Variants in RCL1 observed in about 807,000 individuals in gnomAD.
RCL1 encodes the protein RNA 3'-terminal phosphate cyclase-like protein.
Under a neutral mutation model 42.4 loss-of-function variants are expected in RCL1, and 24 were observed. The ratio of observed to expected loss-of-function variants is 0.57; its 90% CI spans 0.41 to 0.80. The LOEUF (loss-of-function observed/expected upper bound fraction) is 0.80, where lower values mean the gene tolerates loss of function less well. Ranked by LOEUF, RCL1 falls within the 30% of genes least tolerant of loss-of-function variation. The pLI is 0.00. For synonymous variants in RCL1, 228 were observed against 177.3 expected (o/e 1.29, Z -2.27); for missense variants, 578 against 467.9 (o/e 1.24, Z -2.17).
chr9:4,793,732 C>T (rs1002488251), intron 1 of RCL1, among the ~76,000 whole-genome samples: 1 of 152,194 alleles, frequency 6.6e-6, no homozygotes, highest in Non-Finnish European at 1.5e-5. Flanking sequence ...GATTTCTCGG[C>T]TGCCCTCACA....
chr9:4,803,856 G>A (rs967017582), intron 1 of RCL1: 3 of 158,868 alleles, frequency 1.9e-5, no homozygotes, highest in Non-Finnish European at 2.8e-5. Flanking sequence ...TTCTGGCATT[G>A]GAACGGGCTG....
chr9:4,827,753 T>TGTGTGTGTGTGTGC (rs1816811376), intron 3 of RCL1, among the ~76,000 whole-genome samples: 1 of 92,200 alleles, frequency 1.1e-5, no homozygotes, highest in Non-Finnish European at 2.4e-5. Context: ...TGTGTGTGTG[T>TGTGTGTGTGTGTGC]GTGCACGCGT....
chr9:4,858,135 C>T (rs903707752), intron 8 of RCL1, among the ~76,000 whole-genome samples: 1 of 152,042 alleles, frequency 6.6e-6, no homozygotes, highest in Non-Finnish European at 1.5e-5. Context: ...CTTGGCCTCC[C>T]AAACTGTTGG....
At chr9:4,828,681 A>G (rs184169398) in intron 3 of RCL1, among the ~76,000 whole-genome samples, 1 of 152,268 alleles carries the variant, frequency 6.6e-6, no homozygotes, top group Admixed American at 6.5e-5. Context: ...CCTGAAGTGT[A>G]CAGCAGTGTG....
At chr9:4,821,603 G>C (rs1245875951) in intron 1 of RCL1, among the ~76,000 whole-genome samples, 1 of 152,204 alleles carries the variant, frequency 6.6e-6, no homozygotes, top group Admixed American at 6.5e-5. Flanking sequence ...AAGTGGAAGA[G>C]CAAGAGAGGG....
intron 6 of RCL1, among the ~76,000 whole-genome samples, chr9:4,842,027 A>G (rs1050170612): frequency 3.9e-5 from 6 of 152,250 alleles, no homozygotes; most frequent in African/African-American, 1.4e-4. Context: ...AGAAAAGATC[A>G]AAGAATAGTA....
chr9:4,860,755 C>G lies in RCL1; in HGVS notation c.*480C>G, dbSNP rs965574543. The G allele has an allele frequency of 1.3e-5, 2 of 153,790 alleles. No individual in the cohort carries two copies. The highest frequency in any genetic ancestry group is 4.8e-5 in the African/African-American group (2 of 41,464). 9.5% of individuals were successfully genotyped at this position (153,790 alleles called of 1,614,324 possible). A position where few individuals can be genotyped will look rare whatever the true frequency, so the allele number is the denominator to read the frequency against. Reference sequence around the variant, plus strand: ...TATGAGTGGCAGCTCTTCATGAGTCCTGCAGTGCTAAGCAAATGTCAGAAA... The same window carrying G: ...TATGAGTGGCAGCTCTTCATGAGTCGTGCAGTGCTAAGCAAATGTCAGAAA... On this transcript the variant is annotated 3_prime_UTR_variant, in exon 9 of 9. Coordinates refer to ENST00000381750, the MANE Select transcript of RCL1 (RefSeq NM_005772.5).
chr9:4,860,152 C>T lies in RCL1; in HGVS notation c.999C>T (p.Ser333=), dbSNP rs1371716524. 1.2e-6 allele frequency: 2 copies of T among 1,600,272 alleles called. No homozygotes were observed. Among genetic ancestry groups the T allele is most frequent in the Admixed American group, 1.7e-5 (1 of 58,246 alleles). Residue 333 remains serine, a synonymous_variant, in exon 9 of 9, where the codon AGC becomes AGT. Transcript: ENST00000381750. ...TAGAATTTTTGCGGCATTTGAAGAGCTTTTTCCAGATTATGTTTAAAATTG... is the reference window on the plus strand; with the variant it reads ...TAGAATTTTTGCGGCATTTGAAGAGTTTTTTCCAGATTATGTTTAAAATTG... The part of the protein sequence containing the change: ...YTIEFLRHLK[S]FFQIMFKIET...
intron 5 of RCL1, chr9:4,836,618 G>C (rs1334673164): frequency 2.0e-5 from 3 of 152,106 alleles, no homozygotes. Flanking sequence ...GTGACAAGGA[G>C]GGCAGACCAG....
In RCL1 at chr9:4,801,052, G is replaced by A. The variant is rs149851741; in HGVS notation, c.136+7825G>A. Among the ~76,000 whole-genome samples the A allele has an allele frequency of 3.4e-3, 522 of 152,262 alleles. 10 individuals carry two copies. Among genetic ancestry groups the A allele is most frequent in the Admixed American group, 0.025 (386 of 15,296 alleles). On this transcript the variant is annotated intron_variant, in intron 1 of 8. Coordinates refer to ENST00000381750, the MANE Select transcript of RCL1 (RefSeq NM_005772.5). ...TGTTGTCACTACTTTTATTCTGATA[G>A]GTATGTAGTGATGCCCCAGGGTGGT...
In RCL1 at chr9:4,844,655, C is replaced by T. The variant is rs751544647; in HGVS notation, c.841C>T (p.Arg281Trp). The change falls in exon 7 of 9, where the codon CGG (arginine) becomes TGG (tryptophan). Residue 281 changes from arginine to tryptophan, a missense_variant. Arg to Trp is a moderately radical substitution (Grantham distance 101, BLOSUM62 -3). Coordinates refer to ENST00000381750, the MANE Select transcript of RCL1 (RefSeq NM_005772.5). Reference protein sequence around the residue: ...LPEDLGRNCARLLLEEIYRGG... With the variant: ...LPEDLGRNCAWLLLEEIYRGG... ...AGAGGACCTTGGCAGGAACTGTGCCCGGCTGCTGCTGGAGGAAATCTACAG... is the reference window on the plus strand; with the variant it reads ...AGAGGACCTTGGCAGGAACTGTGCCTGGCTGCTGCTGGAGGAAATCTACAG... The T allele has an allele frequency of 2.3e-5, 37 of 1,613,400 alleles. No individual in the cohort carries two copies. The highest frequency in any genetic ancestry group is 1.7e-4 in the Middle Eastern group (1 of 5,888).
At chr9:4,838,920 C>G (rs1448944894) in intron 5 of RCL1, among the ~76,000 whole-genome samples, 1 of 152,192 alleles carries the variant, frequency 6.6e-6, no homozygotes, top group Non-Finnish European at 1.5e-5. Flanking sequence ...CTACTACACA[C>G]TAGGCATTAA....
chr9:4,837,649 C>T (rs897408043), intron 5 of RCL1, among the ~76,000 whole-genome samples: 1 of 152,006 alleles, frequency 6.6e-6, no homozygotes, highest in African/African-American at 2.4e-5. Context: ...ATGGTCGTGT[C>T]CTTTGATGAT....
intron 8 of RCL1, among the ~76,000 whole-genome samples, chr9:4,858,844 A>C (rs1458975240): frequency 1.3e-5 from 2 of 152,226 alleles, no homozygotes; most frequent in South Asian, 2.1e-4. Flanking sequence ...ATAGATGTGC[A>C]AGCCATCATT....
chr9:4,816,743 T>C (rs1816392352), intron 1 of RCL1, among the ~76,000 whole-genome samples: 2 of 152,236 alleles, frequency 1.3e-5, no homozygotes, highest in South Asian at 2.1e-4. Context: ...TTCTGATGTT[T>C]TTTAGTGATG....
intron 1 of RCL1, 99 bp downstream of exon 1, chr9:4,793,326 C>A: frequency 7.7e-7 from 1 of 1,302,684 alleles, no homozygotes; most frequent in South Asian, 1.7e-5. Flanking sequence ...GGCGGCTCGG[C>A]GTCCGGCGAG....
intron 1 of RCL1, among the ~76,000 whole-genome samples, chr9:4,819,497 A>G (rs963148698): frequency 6.6e-6 from 1 of 152,248 alleles, no homozygotes; most frequent in East Asian, 1.9e-4. Context: ...AATGGTCACT[A>G]TCAATGTACA....
chr9:4,824,489 G>T (rs541631666), intron 2 of RCL1, among the ~76,000 whole-genome samples: 1 of 148,228 alleles, frequency 6.7e-6, no homozygotes, highest in East Asian at 2.0e-4. Flanking sequence ...CCAGTGTATT[G>T]ATGCATGATA....
At chr9:4,834,893 T>C (rs1184888385) in intron 5 of RCL1, among the ~76,000 whole-genome samples, 1 of 152,250 alleles carries the variant, frequency 6.6e-6, no homozygotes, top group Non-Finnish European at 1.5e-5. Flanking sequence ...TTCTTAATAA[T>C]GTCACACTGC....
Sources: gnomAD v4.1 joint callset for allele counts (sites outside exome capture counted in the v4.1 genomes callset) on GRCh38, gnomAD v4.1.1 for gene constraint, MANE v1.5 for transcripts, NCBI Gene and HGNC (gene_info 2026-07-23, HGNC 2026-07-21) for gene names.